GPR132: variants seen among roughly 807,000 people sequenced by gnomAD.
The protein encoded by GPR132 is G protein-coupled receptor 132.
A neutral mutation model predicts 1.9 loss-of-function variants in GPR132; 4 were observed. The ratio of observed to expected loss-of-function variants is 2.13; its 90% CI spans 1.05 to 4.87. The LOEUF is 4.87. GPR132 is among the 30% of genes most tolerant of loss of function. The pLI is 0.01. For synonymous variants in GPR132, 233 were observed against 234.2 expected (o/e 0.99, Z 0.05); for missense variants, 404 against 512.5 (o/e 0.79, Z 2.04).
At position 105,051,132 on chromosome 14, in the gene GPR132, G is replaced by A; in HGVS notation, c.1005C>T (p.Val335=). ...TGTCCCTGCTGTGGGTGAGCCTGGT[G>A]ACGTCTGTCTTCATGGACCACTCTT... The part of the protein sequence containing the change: ...GWKEWSMKTD[V]TRLTHSRDTE... Residue 335 remains valine, a synonymous_variant, in exon 4 of 4, where the codon GTC becomes GTT. Transcript: ENST00000329797. This position sits in a 1 kb window ranked among gnomAD's most constrained non-coding sequence, Gnocchi z 8.0. The A allele has an allele frequency of 1.9e-6, 3 of 1,614,148 alleles. No homozygotes were observed. The highest frequency in any genetic ancestry group is 1.7e-6 in the Non-Finnish European group (2 of 1,180,016).
chr14:105,054,424 TTTC>T (rs1204113986), intron 3 of GPR132: 106 of 928,664 alleles, frequency 1.1e-4, no homozygotes, highest in South Asian at 6.3e-4. Context: ...GCTCTTTTTT[TTTC>T]TTTTTTTTTT....
Position 105,056,198 on chromosome 14 carries a change from G to T in GPR132, c.-746-32C>A. 1.0e-6 allele frequency: 1 copy of T among 984,242 alleles called. No homozygotes were observed. The highest frequency in any genetic ancestry group is 1.2e-6 in the Non-Finnish European group (1 of 828,756). 61.0% of individuals were successfully genotyped at this position (984,242 alleles called of 1,614,324 possible). A position where few individuals can be genotyped will look rare whatever the true frequency, so the allele number is the denominator to read the frequency against. On this transcript the variant is annotated intron_variant, in intron 2 of 3. Transcript: ENST00000329797. This position sits in a 1 kb window ranked among gnomAD's most constrained non-coding sequence, Gnocchi z 6.0. ...AGAGGGAGAGAGTGGGTGTGACTGGGCTGCCTCACACTCAGTTGTCACCAC... is the reference window on the plus strand; with the variant it reads ...AGAGGGAGAGAGTGGGTGTGACTGGTCTGCCTCACACTCAGTTGTCACCAC...
At position 105,051,655 on chromosome 14, in the gene GPR132, AG is replaced by A. The variant is rs1313058794; in HGVS notation, c.481del (p.Leu161SerfsTer72). 6.2e-7 allele frequency: 1 copy of A among 1,613,818 alleles called. No homozygotes were observed. The highest frequency in any genetic ancestry group is 1.1e-5 in the South Asian group (1 of 91,088). ...RGRRRRRTAI[L>X]ISACIFILVG... ...GAGGATGAAGATGCAGGCGGAGATG[AG>A]GATGGCGGTCCTCCGGCGGCGGCGG... On this transcript the variant is annotated frameshift_variant, in exon 4 of 4. Coordinates refer to ENST00000329797, the MANE Select transcript of GPR132 (RefSeq NM_013345.4). LOFTEE classifies it low-confidence loss of function (END_TRUNC). This position sits in a 1 kb window ranked among gnomAD's most constrained non-coding sequence, Gnocchi z 8.0.
At chr14:105,063,604 T>C (rs1373155827) in intron 1 of GPR132, among the ~76,000 whole-genome samples, 2 of 151,990 alleles carry the variant, frequency 1.3e-5, no homozygotes, top group Non-Finnish European at 2.9e-5. Flanking sequence ...CTTGAACTCC[T>C]GACCTCAGGT....
rs763105086 is a variant in GPR132, at chr14:105,051,063, G to C, written c.1074C>G (p.Thr358=). The part of the protein sequence containing the change: ...QSPVALADHY[T]FSRPVHPPGS... ...CTGGTGGGTGCACGGGCCTGGAGAA[G>C]GTGTAGTGGTCTGCAAGGGCCACGG... The change falls in exon 4 of 4, where the codon ACC becomes ACG. Residue 358 remains threonine (T), a synonymous_variant. Transcript: ENST00000329797. The surrounding 1 kb of genome is among the most constrained non-coding windows in gnomAD (Gnocchi z 8.0). 16 of 1,614,072 alleles carry C rather than the reference G, an allele frequency of 9.9e-6. No homozygotes were observed. Among genetic ancestry groups the C allele is most frequent in the African/African-American group, 1.3e-5 (1 of 74,934 alleles).
At chr14:105,054,513 C>G (rs912157829) in intron 3 of GPR132, 2 of 594,106 alleles carry the variant, frequency 3.4e-6, no homozygotes, top group South Asian at 1.5e-4. Context: ...CTACTGCAAC[C>G]TCTGCCTCCC....
In GPR132 at chr14:105,051,597, C is replaced by T. The variant is rs140898578; in HGVS notation, c.540G>A (p.Thr180=). The T allele has an allele frequency of 3.0e-4, 492 of 1,613,986 alleles. 5 individuals are homozygous for T. The South Asian group carries it at 4.6e-3, about 15-fold the overall frequency. The change falls in exon 4 of 4, where the codon ACG becomes ACA. Residue 180 remains threonine, a synonymous_variant. Transcript: ENST00000329797. This position sits in a 1 kb window ranked among gnomAD's most constrained non-coding sequence, Gnocchi z 8.0. Reference sequence around the variant, plus strand: ...TGTCAAAGCAGGTCTCCTTGTCTTCCGTCTGGAACACCGGGTAGTGAACGA... The same window carrying T: ...TGTCAAAGCAGGTCTCCTTGTCTTCTGTCTGGAACACCGGGTAGTGAACGA... The part of the protein sequence containing the change: ...VGIVHYPVFQ[T]EDKETCFDML...
rs555382114 is a variant in GPR132 at position 105,054,235 on chromosome 14, G to A, written c.34+1152C>T. On this transcript the variant is annotated intron_variant, in intron 3 of 3. Coordinates refer to ENST00000329797, the MANE Select transcript of GPR132 (RefSeq NM_013345.4). ...GCCCCGGGCGGGGCAAACTTCAGCT[G>A]TGCCCTGGCGCGAGGTCAGGGGTCC... 70 of 1,177,232 alleles carry A rather than the reference G, an allele frequency of 5.9e-5. 2 individuals carry two copies. In the East Asian group the frequency reaches 4.3e-3, roughly 73 times the overall value. 72.9% of individuals were successfully genotyped at this position (1,177,232 alleles called of 1,614,324 possible).
Position 105,056,116 on chromosome 14 carries a change from G to T in GPR132, c.-696C>A. On this transcript the variant is annotated 5_prime_UTR_variant, in exon 3 of 4. Coordinates refer to ENST00000329797, the MANE Select transcript of GPR132 (RefSeq NM_013345.4). The surrounding 1 kb of genome is among the most constrained non-coding windows in gnomAD (Gnocchi z 6.0). ...TCCGGTCTCCCCACAGCCTCGCTGC[G>T]CTTGCTGGGTTTCTCCGGGTGAGTG... is the stretch of plus-strand genomic sequence containing the variant. 1 of 985,228 alleles carries T rather than the reference G, an allele frequency of 1.0e-6. No homozygotes were observed. The highest frequency in any genetic ancestry group is 1.2e-6 in the Non-Finnish European group (1 of 829,642). The allele number at this position is 985,228 out of a possible 1,614,324, so 61.0% of individuals were successfully genotyped here.
At chr14:105,061,471 A>G (rs994602459) in intron 1 of GPR132, among the ~76,000 whole-genome samples, 2 of 152,176 alleles carry the variant, frequency 1.3e-5, no homozygotes, top group African/African-American at 2.4e-5. Flanking sequence ...ATAGGGGCTC[A>G]GGGCCCTCTC....
Position 105,056,301 on chromosome 14 carries a change from GTT to G in GPR132, c.-746-137_-746-136del. 4.2e-6 allele frequency: 1 copy of G among 240,568 alleles called. No individual in the cohort carries two copies. The highest frequency in any genetic ancestry group is 2.3e-5 in the African/African-American group (1 of 43,180). The allele number at this position is 240,568 out of a possible 1,614,324, so 14.9% of individuals were successfully genotyped here. On this transcript the variant is annotated intron_variant, in intron 2 of 3. Transcript: ENST00000329797. The surrounding 1 kb of genome is among the most constrained non-coding windows in gnomAD (Gnocchi z 6.0). Reference sequence around the variant, plus strand: ...CTCGGGTGGGAGGCCCAACGCCTGTGTTTGCACTCACTGTTCTTCACCCAGAT... The same window carrying G: ...CTCGGGTGGGAGGCCCAACGCCTGTGTGCACTCACTGTTCTTCACCCAGAT...
At position 105,055,583 on chromosome 14, in the gene GPR132, C is replaced by T. The variant is rs1432702342; in HGVS notation, c.-163G>A. Reference sequence around the variant, plus strand: ...GCTGGGCTCCCCTGTCACCTCCCCACGTGGGTGGGCATCTCTGCGTGTCTT... The same window carrying T: ...GCTGGGCTCCCCTGTCACCTCCCCATGTGGGTGGGCATCTCTGCGTGTCTT... On this transcript the variant is annotated 5_prime_UTR_variant, in exon 3 of 4. In the 5' UTR this introduces an upstream ATG that the reference lacks. Coordinates refer to ENST00000329797, the MANE Select transcript of GPR132 (RefSeq NM_013345.4). The surrounding 1 kb of genome is among the most constrained non-coding windows in gnomAD (Gnocchi z 4.7). 2.5e-5 allele frequency: 17 copies of T among 681,256 alleles called. No homozygotes were observed. Among genetic ancestry groups the T allele is most frequent in the Admixed American group, 1.3e-4 (6 of 45,408 alleles). The allele number at this position is 681,256 out of a possible 1,614,324, so 42.2% of individuals were successfully genotyped here.
rs1886618070 is a variant in GPR132, at chr14:105,050,973, T to G, written c.*21A>C. ...TGGCCCCAGGACCCCCAACCTGCCA[T>G]CCCCCTGCCACACAGTGGGCTCAGC... On this transcript the variant is annotated 3_prime_UTR_variant, in exon 4 of 4. Coordinates refer to ENST00000329797, the MANE Select transcript of GPR132 (RefSeq NM_013345.4). This position sits in a 1 kb window ranked among gnomAD's most constrained non-coding sequence, Gnocchi z 4.0. 10 of 1,598,970 alleles carry G rather than the reference T, an allele frequency of 6.3e-6. No homozygotes were observed. Among genetic ancestry groups the G allele is most frequent in the Non-Finnish European group, 7.7e-6 (9 of 1,168,242 alleles).
rs1467605343 is a variant in GPR132, at chr14:105,060,667, C to T, written c.-860-3387G>A. On this transcript the variant is annotated intron_variant, in intron 1 of 3. Transcript: ENST00000329797. The surrounding 1 kb of genome is among the most constrained non-coding windows in gnomAD (Gnocchi z 6.3). ...GGGCCCCATCAGAACGCCTGAGCCG[C>T]CCAGGAAGGGGCTCCCGGGGAGTCT... Among the ~76,000 whole-genome samples the T allele has an allele frequency of 6.6e-6, 1 of 152,214 alleles. No homozygotes were observed. The highest frequency in any genetic ancestry group is 1.9e-4 in the East Asian group (1 of 5,196).
Position 105,055,272 on chromosome 14 carries a change from A to G in GPR132, c.34+115T>C. ...AACCTGGGAGGCAGAAGCTGCAGTG[A>G]GCCGAGATTGTGCCACTGCACTCCA... On this transcript the variant is annotated intron_variant, in intron 3 of 3. Transcript: ENST00000329797. This position sits in a 1 kb window ranked among gnomAD's most constrained non-coding sequence, Gnocchi z 4.7. The G allele has an allele frequency of 1.3e-6, 1 of 753,230 alleles. No homozygotes were observed. The highest frequency in any genetic ancestry group is 2.5e-6 in the Non-Finnish European group (1 of 399,872). The allele number at this position is 753,230 out of a possible 1,614,324, so 46.7% of individuals were successfully genotyped here.
Position 105,051,193 on chromosome 14 carries a change from G to C in GPR132, c.944C>G (p.Ser315Cys). The change falls in exon 4 of 4, where the codon TCC (serine) becomes TGC (cysteine). Residue 315 changes from serine to cysteine, a missense_variant. Ser to Cys is a moderately radical substitution (Grantham distance 112). Coordinates refer to ENST00000329797, the MANE Select transcript of GPR132 (RefSeq NM_013345.4). This position sits in a 1 kb window ranked among gnomAD's most constrained non-coding sequence, Gnocchi z 8.0. Reference sequence around the variant, plus strand: ...ATGGATTCTGGACACTTCTTGGCGGGAATGGTCCGTGGCCAGCACGTAGAT... The same window carrying C: ...ATGGATTCTGGACACTTCTTGGCGGCAATGGTCCGTGGCCAGCACGTAGAT... ...PIIYVLATDH[S>C]RQEVSRIHKG... 6.2e-7 allele frequency: 1 copy of C among 1,614,138 alleles called. No homozygotes were observed. Among genetic ancestry groups the C allele is most frequent in the African/African-American group, 1.3e-5 (1 of 75,046 alleles).
At chr14:105,057,340 C>T in intron 1 of GPR132, 60 bp from the exon 2 acceptor site, 1 of 607,344 alleles carries the variant, frequency 1.6e-6, no homozygotes, top group South Asian at 2.0e-5. Context: ...CAAGTTAACC[C>T]ATTGACAAAC....
At position 105,056,154 on chromosome 14, in the gene GPR132, C is replaced by T; in HGVS notation, c.-734G>A. On this transcript the variant is annotated 5_prime_UTR_variant, in exon 3 of 4. Transcript: ENST00000329797. This position sits in a 1 kb window ranked among gnomAD's most constrained non-coding sequence, Gnocchi z 6.0. ...CTCCGGGTGAGTGTCGTGTCCCTTG[C>T]TCACCTTCCTCCCTGGGCAGAGGGA... 1.0e-6 allele frequency: 1 copy of T among 986,320 alleles called. No individual in the cohort carries two copies. The highest frequency in any genetic ancestry group is 1.2e-6 in the Non-Finnish European group (1 of 830,352). 61.1% of individuals were successfully genotyped at this position (986,320 alleles called of 1,614,324 possible).
In GPR132 at chr14:105,051,667, C is replaced by A. The variant is rs762905666; in HGVS notation, c.470G>T (p.Arg157Met). ...GCAGGCGGAGATGAGGATGGCGGTCCTCCGGCGGCGGCGGCCCCGACTCTC... is the reference window on the plus strand; with the variant it reads ...GCAGGCGGAGATGAGGATGGCGGTCATCCGGCGGCGGCGGCCCCGACTCTC... ...ALESRGRRRR[R>M]TAILISACIF... is the part of the protein sequence containing the mutation. The change falls in exon 4 of 4, where the codon AGG becomes ATG. Residue 157 changes from arginine to methionine, a missense_variant. By Grantham distance (91) the Arg-to-Met change is moderately conservative (BLOSUM62 -1). Transcript: ENST00000329797. This position sits in a 1 kb window ranked among gnomAD's most constrained non-coding sequence, Gnocchi z 8.0. 1.2e-6 allele frequency: 2 copies of A among 1,613,768 alleles called. No individual in the cohort carries two copies. The highest frequency in any genetic ancestry group is 2.2e-5 in the South Asian group (2 of 91,088).
Sources: gnomAD v4.1 joint callset for allele counts (sites outside exome capture counted in the v4.1 genomes callset) on GRCh38, gnomAD v4.1.1 for gene constraint, Gnocchi (gnomAD v3.1) non-coding constraint, MANE v1.5 for transcripts, NCBI Gene and HGNC (gene_info 2026-07-23, HGNC 2026-07-21) for gene names.